Variants in CCNA1 observed in about 807,000 individuals in gnomAD.
CCNA1 encodes the protein cyclin-A1.
CCNA1 carries 23 observed loss-of-function variants against 54.1 expected under a neutral mutation model. That is an observed-to-expected ratio of 0.42 (90% confidence interval 0.31 to 0.60). CCNA1 has a LOEUF of 0.60. Among genes scored for constraint, CCNA1 ranks in the 20% least tolerant of loss-of-function variants. The pLI is 0.14. For synonymous variants in CCNA1, 208 were observed against 213.9 expected (o/e 0.97, Z 0.24); for missense variants, 450 against 556.7 (o/e 0.81, Z 1.93).
chr13:36,437,959 G>A, intron 3 of CCNA1, 84 bp downstream of exon 3: 1 of 1,568,352 alleles, frequency 6.4e-7, no homozygotes, highest in Non-Finnish European at 8.7e-7. Context: ...TAACTAGCAA[G>A]AGAAAAACAG....
intron 2 of CCNA1, among the ~76,000 whole-genome samples, chr13:36,435,253 T>C (rs920963750): frequency 2.0e-5 from 3 of 152,242 alleles, no homozygotes; most frequent in Non-Finnish European, 4.4e-5. Context: ...TGTCGTATCT[T>C]GACATATATA....
rs370767056 is a variant in CCNA1 at position 36,432,579 on chromosome 13, G to T, written c.-43G>T. ...AGGCAGGTTTTGGGGCCTCCTGTCT[G>T]GTGGGAGGAGGCCGCAGCGCAGCAC... On this transcript the variant is annotated 5_prime_UTR_variant, in exon 1 of 9. Coordinates refer to ENST00000255465, the MANE Select transcript of CCNA1 (RefSeq NM_003914.4). 4 of 1,314,824 alleles carry T rather than the reference G, an allele frequency of 3.0e-6. No individual in the cohort carries two copies. Among genetic ancestry groups the T allele is most frequent in the Non-Finnish European group, 2.1e-6 (2 of 951,078 alleles). The allele number at this position is 1,314,824 out of a possible 1,614,324, so 81.4% of individuals were successfully genotyped here.
intron 2 of CCNA1, among the ~76,000 whole-genome samples, chr13:36,434,840 G>T (rs980399053): frequency 7.5e-6 from 1 of 134,044 alleles, no homozygotes; most frequent in African/African-American, 3.1e-5. Context: ...CCCCCCCCGC[G>T]CCATGCGTAC....
rs554036466 is a variant in CCNA1 at position 36,440,340 on chromosome 13, C to T, written c.1098+157C>T. ...CTGAAAAAGAGCTAATTTTAAGAAC[C>T]CAGCTTTTGGTTATAAGGCATTACT... On this transcript the variant is annotated intron_variant, in intron 6 of 8. Transcript: ENST00000255465. 1.1e-4 allele frequency among the ~76,000 whole-genome samples: 16 copies of T among 152,228 alleles called. 1 individual carries two copies. In the East Asian group the frequency reaches 2.9e-3, roughly 28 times the overall value.
intron 2 of CCNA1, among the ~76,000 whole-genome samples, chr13:36,436,231 G>T (rs2055803623): frequency 6.6e-6 from 1 of 152,142 alleles, no homozygotes. Flanking sequence ...TCTTAGATCA[G>T]CCTTGGCAAG....
Position 36,442,261 on chromosome 13 carries a change from C to A in CCNA1, c.1303C>A (p.His435Asn). The change falls in exon 8 of 9, where the codon CAT (histidine) becomes AAT (asparagine). Residue 435 changes from histidine to asparagine, a missense_variant. By Grantham distance (68) the His-to-Asn change is moderately conservative. Transcript: ENST00000255465. ...TCATAAAGCGTACCTTGATATACCC[C>A]ATCGACCTCAGCAAGCAATTAGGGA... The A allele has an allele frequency of 6.2e-7, 1 of 1,613,908 alleles. No individual in the cohort carries two copies. Among genetic ancestry groups the A allele is most frequent in the Non-Finnish European group, 8.5e-7 (1 of 1,179,920 alleles).
chr13:36,433,545 CT>C (rs71711184), intron 2 of CCNA1, among the ~76,000 whole-genome samples: 57,704 of 103,786 alleles, frequency 0.56, 15,955 homozygotes, highest in East Asian at 0.87. Context: ...TCCTTTCCTT[CT>C]TTTTTTTTTT....
At chr13:36,440,269 TC>T in intron 6 of CCNA1, 86 bp downstream of exon 6, 1 of 1,210,904 alleles carries the variant, frequency 8.3e-7, no homozygotes, top group Non-Finnish European at 1.2e-6. Context: ...AGTTCTTTTT[TC>T]CTTTTCAGTT....
chr13:36,442,750 C>A lies in CCNA1; in HGVS notation c.*85C>A. ...CATAGGCTTCTGCACGTTGGATCAACTAATGTTGTTTACAATATAGATGAC... is the reference window on the plus strand; with the variant it reads ...CATAGGCTTCTGCACGTTGGATCAAATAATGTTGTTTACAATATAGATGAC... On this transcript the variant is annotated 3_prime_UTR_variant, in exon 9 of 9. Coordinates refer to ENST00000255465, the MANE Select transcript of CCNA1 (RefSeq NM_003914.4). The A allele has an allele frequency of 9.3e-7, 1 of 1,073,404 alleles. No individual in the cohort carries two copies. The allele number at this position is 1,073,404 out of a possible 1,614,324, so 66.5% of individuals were successfully genotyped here. A position where few individuals can be genotyped will look rare whatever the true frequency, so the allele number is the denominator to read the frequency against.
chr13:36,440,942 CTGT>C (rs1269141223), intron 6 of CCNA1, among the ~76,000 whole-genome samples, 173 bp from the exon 7 acceptor site: 1 of 152,174 alleles, frequency 6.6e-6, no homozygotes, highest in Non-Finnish European at 1.5e-5. Flanking sequence ...ATAAATGTTA[CTGT>C]TGTTATAGAC....
rs201986317 is a variant in CCNA1, at chr13:36,433,370, T to TTTTCTTTCTTTC, written c.297+210_297+221dup. ...GACTACAGGAAAGTTGATTGATTTA[T>TTTTCTTTCTTTC]TTTCTTTCTTTCTTTCTTTCTTTCT... On this transcript the variant is annotated intron_variant, in intron 2 of 8. Transcript: ENST00000255465. The TTTTCTTTCTTTC allele has an allele frequency of 1.0e-3, 329 of 317,530 alleles. 8 individuals are homozygous for TTTTCTTTCTTTC. The highest frequency in any genetic ancestry group is 2.1e-3 in the Middle Eastern group (3 of 1,454). The allele number at this position is 317,530 out of a possible 1,614,324, so 19.7% of individuals were successfully genotyped here.
At position 36,432,585 on chromosome 13, in the gene CCNA1, AG is replaced by A; in HGVS notation, c.-35del. ...GTTTTGGGGCCTCCTGTCTGGTGGG[AG>A]GAGGCCGCAGCGCAGCACCCTGCTC... On this transcript the variant is annotated 5_prime_UTR_variant, in exon 1 of 9. Coordinates refer to ENST00000255465, the MANE Select transcript of CCNA1 (RefSeq NM_003914.4). 7.2e-7 allele frequency: 1 copy of A among 1,383,170 alleles called. No homozygotes were observed. Among genetic ancestry groups the A allele is most frequent in the South Asian group, 1.4e-5 (1 of 72,154 alleles). The allele number at this position is 1,383,170 out of a possible 1,614,324, so 85.7% of individuals were successfully genotyped here.
chr13:36,441,665 C>T (rs1408083430), intron 7 of CCNA1, among the ~76,000 whole-genome samples: 2 of 152,146 alleles, frequency 1.3e-5, no homozygotes, highest in African/African-American at 4.8e-5. Flanking sequence ...AAGAAGGTGG[C>T]AACATCAGAA....
intron 2 of CCNA1, among the ~76,000 whole-genome samples, chr13:36,436,032 A>G (rs1161014158): frequency 1.3e-5 from 2 of 152,284 alleles, no homozygotes; most frequent in East Asian, 1.9e-4. Flanking sequence ...TTTGCTCTTC[A>G]TGGTTTACAA....
chr13:36,442,728 A>G lies in CCNA1; in HGVS notation c.*63A>G. On this transcript the variant is annotated 3_prime_UTR_variant, in exon 9 of 9. Coordinates refer to ENST00000255465, the MANE Select transcript of CCNA1 (RefSeq NM_003914.4). ...TATCAGAAGTGCCAATAATCGTCAT[A>G]GGCTTCTGCACGTTGGATCAACTAA... 1 of 1,313,188 alleles carries G rather than the reference A, an allele frequency of 7.6e-7. No homozygotes were observed. The highest frequency in any genetic ancestry group is 1.7e-5 in the Admixed American group (1 of 58,342). The allele number at this position is 1,313,188 out of a possible 1,614,324, so 81.3% of individuals were successfully genotyped here. A position where few individuals can be genotyped will look rare whatever the true frequency, so the allele number is the denominator to read the frequency against.
intron 6 of CCNA1, 128 bp from the exon 7 acceptor site, chr13:36,440,990 G>T (rs764670949): frequency 3.8e-6 from 2 of 531,512 alleles, no homozygotes; most frequent in Non-Finnish European, 6.8e-6. Flanking sequence ...AAGTAATTTT[G>T]AGCATCTATT....
chr13:36,437,916 T>C (rs936708044), intron 3 of CCNA1, 41 bp downstream of exon 3: 7 of 1,593,748 alleles, frequency 4.4e-6, no homozygotes, highest in East Asian at 4.5e-5. Context: ...TGGTACCCTG[T>C]ATTTATAACT....
chr13:36,433,419 T>TTCG lies in CCNA1; in HGVS notation c.297+199_297+200insCGT, dbSNP rs1566169568. On this transcript the variant is annotated intron_variant, in intron 2 of 8. Transcript: ENST00000255465. ...CTTTCTTTCTTTCTTTCTTTCTTTC[T>TTCG]TTCTTTCTTTCTTTCTTTCTTTCGT... 5.3e-4 allele frequency among the ~76,000 whole-genome samples: 63 copies of TTCG among 119,428 alleles called. 3 individuals carry two copies. The highest frequency in any genetic ancestry group is 1.9e-3 in the African/African-American group (56 of 29,640). The allele number at this position is 119,428 out of a possible 152,430, so 78.3% of individuals were successfully genotyped here. A position where few individuals can be genotyped will look rare whatever the true frequency, so the allele number is the denominator to read the frequency against.
intron 7 of CCNA1, among the ~76,000 whole-genome samples, chr13:36,441,561 A>G (rs2055875295): frequency 6.6e-6 from 1 of 152,130 alleles, no homozygotes; most frequent in Non-Finnish European, 1.5e-5. Context: ...TACCTTCTAT[A>G]TTAAAAACAA....
Sources: allele counts gnomAD v4.1 joint callset (sites outside exome capture counted in the v4.1 genomes callset), GRCh38; gene constraint gnomAD v4.1.1; transcripts MANE v1.5; gene names NCBI Gene and HGNC (gene_info 2026-07-23, HGNC 2026-07-21).